ABCG1: variants seen among roughly 807,000 people sequenced by gnomAD.
ABCG1 encodes ATP binding cassette subfamily G member 1, also known as ATP-binding cassette sub-family G member 1.
A neutral mutation model predicts 69.2 loss-of-function variants in ABCG1; 29 were observed. The observed-to-expected ratio is 0.42, with a 90% confidence interval of 0.31 to 0.57. ABCG1 has a LOEUF of 0.57. Among genes scored for constraint, ABCG1 ranks in the 20% least tolerant of loss-of-function variants. ABCG1 has a pLI of 0.15. For missense variants in ABCG1, 718 were observed against 898.1 expected, an observed-to-expected ratio of 0.80 and a Z score of 2.56; for synonymous variants, 370 against 374.8, an observed-to-expected ratio of 0.99 and a Z score of 0.15.
In ABCG1 at chr21:42,287,557, G is replaced by A. The variant is rs1439551509; in HGVS notation, c.974-332G>A. On this transcript the variant is annotated intron_variant, in intron 8 of 14. Coordinates refer to ENST00000398449, the MANE Select transcript of ABCG1 (RefSeq NM_016818.3). This position sits in a 1 kb window ranked among gnomAD's most constrained non-coding sequence, Gnocchi z 6.2. ...AGTCCTTCGTTCTGCTCCCTTCCCA[G>A]CTCCACCTTGGAGGCTGGCCCAGAG... Among the ~76,000 whole-genome samples, 1 of 152,240 alleles carries A rather than the reference G, an allele frequency of 6.6e-6. No individual in the cohort carries two copies. Among genetic ancestry groups the A allele is most frequent in the African/African-American group, 2.4e-5 (1 of 41,452 alleles).
At chr21:42,242,568 T>C (rs2068067421) in intron 2 of ABCG1, among the ~76,000 whole-genome samples, 1 of 152,146 alleles carries the variant, frequency 6.6e-6, no homozygotes, top group African/African-American at 2.4e-5. Flanking sequence ...GTATTATAGA[T>C]GTGTGGTACC....
intron 2 of ABCG1, among the ~76,000 whole-genome samples, chr21:42,207,532 G>C (rs2067552578): frequency 6.6e-6 from 1 of 152,176 alleles, no homozygotes; most frequent in Admixed American, 6.5e-5. Flanking sequence ...GTTAACATTT[G>C]TTGGATAATT....
chr21:42,274,706 C>T (rs1005568884), intron 4 of ABCG1, among the ~76,000 whole-genome samples: 6 of 152,106 alleles, frequency 3.9e-5, no homozygotes, highest in Non-Finnish European at 7.4e-5. Context: ...AACTCCTGAC[C>T]TCGTGATCTG....
At chr21:42,248,171 T>G (rs2068161394) in intron 2 of ABCG1, among the ~76,000 whole-genome samples, 1 of 152,184 alleles carries the variant, frequency 6.6e-6, no homozygotes, top group African/African-American at 2.4e-5. Context: ...TTAAACCTGT[T>G]CAAGCTGCAG....
intron 3 of ABCG1, among the ~76,000 whole-genome samples, chr21:42,272,795 C>A (rs2068639252): frequency 6.6e-6 from 1 of 152,210 alleles, no homozygotes; most frequent in African/African-American, 2.4e-5. Flanking sequence ...TGGAGAAGGG[C>A]CATCCACTCG....
intron 1 of ABCG1, among the ~76,000 whole-genome samples, chr21:42,224,592 T>C (rs970664195): frequency 1.3e-5 from 2 of 152,210 alleles, no homozygotes; most frequent in Non-Finnish European, 2.9e-5. Flanking sequence ...AATATTATAG[T>C]GCAGGAGCTA....
chr21:42,296,623 G>T lies in ABCG1; in HGVS notation c.*231G>T. On this transcript the variant is annotated 3_prime_UTR_variant, in exon 15 of 15. Coordinates refer to ENST00000398449, the MANE Select transcript of ABCG1 (RefSeq NM_016818.3). This position sits in a 1 kb window ranked among gnomAD's most constrained non-coding sequence, Gnocchi z 5.4. ...ACTAGGAAGATGTAGGCAGATTGGT[G>T]GTTTTTTTTTTTTTAACATACAGAA... 2 of 443,990 alleles carry T rather than the reference G, an allele frequency of 4.5e-6. No individual in the cohort carries two copies. Among genetic ancestry groups the T allele is most frequent in the Admixed American group, 4.0e-5 (1 of 24,740 alleles). The allele number at this position is 443,990 out of a possible 1,614,324, so 27.5% of individuals were successfully genotyped here. A position where few individuals can be genotyped will look rare whatever the true frequency, so the allele number is the denominator to read the frequency against.
At chr21:42,221,399 G>A (rs1262763404) in intron 1 of ABCG1, 1 of 152,184 alleles carries the variant, frequency 6.6e-6, no homozygotes, top group African/African-American at 2.4e-5. Context: ...CCTGCCCTGG[G>A]GTCCATCCTG....
chr21:42,219,120 G>A (rs1347821696), upstream of ABCG1: 7 of 767,988 alleles, frequency 9.1e-6, no homozygotes, highest in Non-Finnish European at 1.2e-5. This position sits in a 1 kb window ranked among gnomAD's most constrained non-coding sequence, Gnocchi z 5.3. Flanking sequence ...TGGAACCAGA[G>A]CCGGAGCCGG....
Position 42,204,630 on chromosome 21 carries a change from CTCTG to C in ABCG1, c.48+2912_48+2915del, listed in dbSNP as rs1050633653. 1.1e-3 allele frequency among the ~76,000 whole-genome samples: 164 copies of C among 152,186 alleles called. 1 individual carries two copies. Among genetic ancestry groups the C allele is most frequent in the Middle Eastern group, 0.01 (3 of 294 alleles). On this transcript the variant is annotated intron_variant, in intron 2 of 15. Coordinates refer to the ABCG1 transcript ENST00000398457. ...TATAATTTTTAAAATATATTCCTGA[CTCTG>C]TCTGCTAGTATTTTGTTTGGGTTTT... is the stretch of plus-strand genomic sequence containing the variant.
intron 7 of ABCG1, among the ~76,000 whole-genome samples, chr21:42,285,611 G>A (rs1002632385): frequency 6.6e-5 from 10 of 152,126 alleles, no homozygotes; most frequent in South Asian, 4.1e-4. Flanking sequence ...AATTTTTTCT[G>A]AGCAGGGGGT....
chr21:42,250,744 A>G (rs952427795), intron 2 of ABCG1, among the ~76,000 whole-genome samples: 3 of 152,172 alleles, frequency 2.0e-5, no homozygotes, highest in African/African-American at 4.8e-5. Context: ...ATTTTCACTG[A>G]TGGGAACATA....
At chr21:42,293,407 G>A (rs1231733470) in intron 13 of ABCG1, among the ~76,000 whole-genome samples, 61 of 48,822 alleles carry the variant, frequency 1.2e-3, no homozygotes, top group East Asian at 5.1e-3. Context: ...TACACACCAC[G>A]CACTACACAC....
Position 42,219,206 on chromosome 21 carries a change from C to A in ABCG1, c.-57C>A. On this transcript the variant is annotated 5_prime_UTR_variant, in exon 1 of 15. Coordinates refer to ENST00000398449, the MANE Select transcript of ABCG1 (RefSeq NM_016818.3). This position sits in a 1 kb window ranked among gnomAD's most constrained non-coding sequence, Gnocchi z 5.3. ...GGGAGCCAGCGCAGCCTCGGCCCCG[C>A]AGCTCAAGCCTCGTCCCCGCCGCCG... 2.8e-6 allele frequency: 4 copies of A among 1,418,024 alleles called. No homozygotes were observed. Among genetic ancestry groups the A allele is most frequent in the Non-Finnish European group, 3.7e-6 (4 of 1,084,158 alleles). 87.8% of individuals were successfully genotyped at this position (1,418,024 alleles called of 1,614,324 possible).
At chr21:42,213,882 G>T (rs2067613105), upstream of ABCG1, among the ~76,000 whole-genome samples, 1 of 152,222 alleles carries the variant, frequency 6.6e-6, no homozygotes, top group South Asian at 2.1e-4. Context: ...GACTTCACAA[G>T]TTCACCGCTG....
chr21:42,294,166 G>C (rs1042101363), intron 13 of ABCG1, among the ~76,000 whole-genome samples: 5 of 152,182 alleles, frequency 3.3e-5, no homozygotes, highest in Non-Finnish European at 7.4e-5. Flanking sequence ...CCCGACCGAA[G>C]GGGTGCCCGC....
chr21:42,206,583 T>C (rs2067544616), intron 2 of ABCG1, among the ~76,000 whole-genome samples: 1 of 152,096 alleles, frequency 6.6e-6, no homozygotes. Flanking sequence ...AGTTCTTCTA[T>C]ATCCTGGTAC....
upstream of ABCG1, chr21:42,216,258 A>G: frequency 2.5e-6 from 1 of 392,414 alleles, no homozygotes; most frequent in South Asian, 1.9e-5. Flanking sequence ...GCAGCGTGAA[A>G]ATGGACTAAT....
rs1569235400 is a variant in ABCG1, at chr21:42,282,351, C to A, written c.666C>A (p.Arg222=). The change falls in exon 6 of 15, where the codon CGC becomes CGA. Residue 222 remains arginine, a synonymous_variant. Transcript: ENST00000398449. ...CCGGGAGCCTGTCAGGTGGTCAGCGCAAGCGCCTGGCCATCGCGCTGGAGC... is the reference window on the plus strand; with the variant it reads ...CCGGGAGCCTGTCAGGTGGTCAGCGAAAGCGCCTGGCCATCGCGCTGGAGC... ...TRTGSLSGGQ[R]KRLAIALELV... 1 of 1,613,814 alleles carries A rather than the reference C, an allele frequency of 6.2e-7. No homozygotes were observed. Among genetic ancestry groups the A allele is most frequent in the Non-Finnish European group, 8.5e-7 (1 of 1,180,016 alleles).
Sources: gnomAD v4.1 joint callset for allele counts (sites outside exome capture counted in the v4.1 genomes callset) on GRCh38, gnomAD v4.1.1 for gene constraint, Gnocchi (gnomAD v3.1) non-coding constraint, MANE v1.5 for transcripts, NCBI Gene and HGNC (gene_info 2026-07-23, HGNC 2026-07-21) for gene names.